The following GPR89A variants were observed in gnomAD, a reference collection of about 807,000 sequenced individuals.
GPR89A encodes the protein golgi pH regulator A.
Under a neutral mutation model 52.0 loss-of-function variants are expected in GPR89A, and 16 were observed. That is an observed-to-expected ratio of 0.31 (90% CI 0.21 to 0.47). The LOEUF (loss-of-function observed/expected upper bound fraction) is 0.47, where lower values mean the gene tolerates loss of function less well. Ranked by LOEUF, GPR89A falls within the 20% of genes least tolerant of loss-of-function variation. The pLI is 1.00. For synonymous variants in GPR89A, 55 were observed against 150.9 expected (o/e 0.36, Z 4.66); for missense variants, 135 against 449.4 (o/e 0.30, Z 6.33).
chr1:145,629,180 G>A (rs1433569825), intron 5 of GPR89A, among the ~76,000 whole-genome samples: 4 of 152,146 alleles, frequency 2.6e-5, no homozygotes, highest in African/African-American at 9.7e-5. Flanking sequence ...ATAAGGATGA[G>A]ACAGTTCCCA....
chr1:145,632,097 CCTT>C (rs1649913277), intron 7 of GPR89A, among the ~76,000 whole-genome samples: 1 of 145,742 alleles, frequency 6.9e-6, no homozygotes. Flanking sequence ...AGATCATTCT[CCTT>C]AGATAAATTA....
chr1:145,625,571 G>A (rs1409142517), intron 5 of GPR89A, among the ~76,000 whole-genome samples: 2 of 148,000 alleles, frequency 1.4e-5, no homozygotes, highest in Non-Finnish European at 2.9e-5. Context: ...GAACTCCTGA[G>A]CTCAGGGGAT....
intron 10 of GPR89A, among the ~76,000 whole-genome samples, chr1:145,654,846 G>A (rs1459794072): frequency 6.6e-6 from 1 of 152,086 alleles, no homozygotes; most frequent in Non-Finnish European, 1.5e-5. Flanking sequence ...GTATTGCTAG[G>A]TTGGGGAAGT....
intron 1 of GPR89A, among the ~76,000 whole-genome samples, chr1:145,615,370 G>T (rs1648598723): frequency 6.6e-6 from 1 of 151,944 alleles, no homozygotes; most frequent in Admixed American, 6.6e-5. Flanking sequence ...TTGAGACAGG[G>T]TCTCACTCTG....
At chr1:145,657,655 T>C (rs1323632673) in intron 10 of GPR89A, among the ~76,000 whole-genome samples, 1 of 151,810 alleles carries the variant, frequency 6.6e-6, no homozygotes, top group Non-Finnish European at 1.5e-5. Context: ...AAACTACCAA[T>C]TCATTTTTTT....
chr1:145,656,740 A>G (rs1346379883), intron 10 of GPR89A, among the ~76,000 whole-genome samples: 1 of 152,012 alleles, frequency 6.6e-6, no homozygotes, highest in Non-Finnish European at 1.5e-5. Context: ...ACAAAGTTGA[A>G]TAGAAGTGGT....
intron 1 of GPR89A, among the ~76,000 whole-genome samples, chr1:145,611,240 C>T (rs145088793): frequency 0.036 from 5,368 of 148,876 alleles, 321 homozygotes; most frequent in African/African-American, 0.13. Context: ...GTACTTGTGC[C>T]GGGTATATTG....
chr1:145,612,756 C>A (rs2101726103), intron 1 of GPR89A, among the ~76,000 whole-genome samples: 1 of 152,202 alleles, frequency 6.6e-6, no homozygotes, highest in East Asian at 1.9e-4. Context: ...TCTTTTTCTC[C>A]TTACTTGACT....
chr1:145,657,645 A>G (rs1651898511), intron 10 of GPR89A, among the ~76,000 whole-genome samples: 1 of 151,894 alleles, frequency 6.6e-6, no homozygotes, highest in Non-Finnish European at 1.5e-5. Flanking sequence ...AGATTTTTTT[A>G]AACTACCAAT....
At chr1:145,662,148 A>G (rs1470255193) in intron 10 of GPR89A, among the ~76,000 whole-genome samples, 1 of 152,182 alleles carries the variant, frequency 6.6e-6, no homozygotes, top group Non-Finnish European at 1.5e-5. Flanking sequence ...ATTGATTGAT[A>G]GTATTATTAG....
At chr1:145,639,752 A>AC (rs1302276315) in intron 7 of GPR89A, among the ~76,000 whole-genome samples, 12 of 149,726 alleles carry the variant, frequency 8.0e-5, no homozygotes, top group Middle Eastern at 3.5e-3. Flanking sequence ...GTCTCAAAAA[A>AC]AAAAAAAAGA....
At chr1:145,628,980 AAG>A (rs1649709414) in intron 5 of GPR89A, among the ~76,000 whole-genome samples, 2 of 152,138 alleles carry the variant, frequency 1.3e-5, no homozygotes, top group African/African-American at 4.8e-5. Context: ...TTGAATATAC[AAG>A]AGAGAGGAGA....
intron 10 of GPR89A, among the ~76,000 whole-genome samples, chr1:145,655,609 C>G (rs1237121206): frequency 1.3e-5 from 2 of 152,158 alleles, no homozygotes; most frequent in Admixed American, 6.5e-5. Flanking sequence ...CGCCTGGGTC[C>G]CTCTCGCACC....
chr1:145,663,074 G>A (rs1553695884), intron 10 of GPR89A, among the ~76,000 whole-genome samples: 1 of 152,086 alleles, frequency 6.6e-6, no homozygotes, highest in Admixed American at 6.6e-5. Context: ...ATAAATTAAG[G>A]CATAATGCCG....
At chr1:145,655,962 G>A (rs1239268359) in intron 10 of GPR89A, among the ~76,000 whole-genome samples, 1 of 151,908 alleles carries the variant, frequency 6.6e-6, no homozygotes, top group Non-Finnish European at 1.5e-5. Flanking sequence ...GATCAGTTCT[G>A]CTCATAAACC....
chr1:145,627,555 C>A (rs1649593472), intron 5 of GPR89A, among the ~76,000 whole-genome samples: 1 of 152,136 alleles, frequency 6.6e-6, no homozygotes, highest in African/African-American at 2.4e-5. Context: ...CAGCATTACA[C>A]AAATATTTAT....
At chr1:145,660,061 GTC>G (rs1390905714) in intron 10 of GPR89A, among the ~76,000 whole-genome samples, 11 of 151,960 alleles carry the variant, frequency 7.2e-5, no homozygotes, top group Middle Eastern at 3.4e-3. Flanking sequence ...CTCATGATTT[GTC>G]TCTCTGTTTG....
At chr1:145,627,946 G>A (rs1437507155) in intron 5 of GPR89A, among the ~76,000 whole-genome samples, 2 of 150,750 alleles carry the variant, frequency 1.3e-5, no homozygotes, top group Admixed American at 6.6e-5. Flanking sequence ...TAATCGTATA[G>A]TGTATAGATT....
chr1:145,615,378 C>T (rs1317540101), intron 1 of GPR89A, among the ~76,000 whole-genome samples: 1 of 152,092 alleles, frequency 6.6e-6, no homozygotes, highest in African/African-American at 2.4e-5. Context: ...GGGTCTCACT[C>T]TGTTGCCCAG....
Sources: gnomAD v4.1 joint callset for allele counts (sites outside exome capture counted in the v4.1 genomes callset) on GRCh38, gnomAD v4.1.1 for gene constraint, MANE v1.5 for transcripts, NCBI Gene and HGNC (gene_info 2026-07-23, HGNC 2026-07-21) for gene names.